The following MEI4 variants were observed in gnomAD, a reference collection of about 807,000 sequenced individuals.
MEI4 encodes meiosis-specific protein MEI4.
Under a neutral mutation model 31.4 loss-of-function variants are expected in MEI4, and 27 were observed. That is an observed-to-expected ratio of 0.86 (90% CI 0.63 to 1.19). MEI4 has a LOEUF of 1.19. Among genes scored for constraint, MEI4 ranks in the 50% most tolerant of loss-of-function variants. MEI4 has a pLI of 0.00. For missense variants in MEI4, 329 were observed against 398.9 expected (o/e 0.82, Z 1.49); for synonymous variants, 122 against 145.4 (o/e 0.84, Z 1.16).
In MEI4 at chr6:77,748,350, T is replaced by C. The variant is rs567374450; in HGVS notation, c.233-12780T>C. Among the ~76,000 whole-genome samples, 17 of 152,346 alleles carry C rather than the reference T, an allele frequency of 1.1e-4. No individual in the cohort carries two copies. In the South Asian group the frequency reaches 1.9e-3, roughly 17 times the overall value. ...GTCAGTGGTTTCCAAACCTTAACTG[T>C]TGAATTCTGTGCAACTGCAGGCCCA... On this transcript the variant is annotated intron_variant, in intron 2 of 4. Coordinates refer to ENST00000684080, the MANE Select transcript of MEI4 (RefSeq NM_001322247.2).
At chr6:77,794,958 T>C (rs1162783160) in intron 3 of MEI4, among the ~76,000 whole-genome samples, 2 of 152,166 alleles carry the variant, frequency 1.3e-5, no homozygotes, top group African/African-American at 4.8e-5. Flanking sequence ...TTCACAAGGA[T>C]GTGCATTTTG....
chr6:77,855,600 CTG>C (rs1770727217), intron 4 of MEI4, among the ~76,000 whole-genome samples: 1 of 152,132 alleles, frequency 6.6e-6, no homozygotes, highest in African/African-American at 2.4e-5. Context: ...TTGGGAATAA[CTG>C]TACTACTATT....
At chr6:77,797,735 T>C (rs2127698721) in intron 3 of MEI4, among the ~76,000 whole-genome samples, 1 of 152,250 alleles carries the variant, frequency 6.6e-6, no homozygotes, top group African/African-American at 2.4e-5. Flanking sequence ...GCTTATCCCA[T>C]CTTCTTACAC....
At chr6:77,911,837 G>A (rs779709671) in intron 4 of MEI4, among the ~76,000 whole-genome samples, 34 of 151,358 alleles carry the variant, frequency 2.2e-4, no homozygotes, top group Admixed American at 2.0e-3. Context: ...TGATGAACAC[G>A]TGAGTGCATT....
chr6:77,657,914 A>C (rs1768427206), intron 1 of MEI4, among the ~76,000 whole-genome samples: 1 of 152,078 alleles, frequency 6.6e-6, no homozygotes, highest in Admixed American at 6.6e-5. Context: ...ACTAACCCAC[A>C]CTAGTTTATT....
intron 2 of MEI4, among the ~76,000 whole-genome samples, chr6:77,727,846 A>T (rs1016899595): frequency 6.6e-6 from 1 of 152,232 alleles, no homozygotes; most frequent in African/African-American, 2.4e-5. Flanking sequence ...CCCCTGGAGA[A>T]GCAGCTCAGA....
intron 1 of MEI4, among the ~76,000 whole-genome samples, chr6:77,684,638 A>G (rs1212595884): frequency 1.3e-5 from 2 of 152,032 alleles, no homozygotes; most frequent in Non-Finnish European, 2.9e-5. Flanking sequence ...TTTACTTAAT[A>G]TAATTATCTC....
At chr6:77,798,144 A>G (rs1027608393) in intron 3 of MEI4, among the ~76,000 whole-genome samples, 2 of 152,018 alleles carry the variant, frequency 1.3e-5, no homozygotes, top group Non-Finnish European at 2.9e-5. Flanking sequence ...TAATAATGCA[A>G]CCATTAAAAT....
At chr6:77,865,645 G>C (rs1009914426) in intron 4 of MEI4, among the ~76,000 whole-genome samples, 3 of 152,160 alleles carry the variant, frequency 2.0e-5, no homozygotes, top group Non-Finnish European at 2.9e-5. Flanking sequence ...AGTTCTACCA[G>C]AGGTACTAGG....
intron 3 of MEI4, among the ~76,000 whole-genome samples, chr6:77,772,963 TAATAA>T (rs1199127788): frequency 1.4e-5 from 2 of 145,580 alleles, no homozygotes; most frequent in Non-Finnish European, 1.5e-5. Context: ...GCTACAAATA[TAATAA>T]AAGACCTATG....
At chr6:77,903,766 C>T (rs1397233912) in intron 4 of MEI4, among the ~76,000 whole-genome samples, 2 of 151,944 alleles carry the variant, frequency 1.3e-5, no homozygotes, top group African/African-American at 4.8e-5. Flanking sequence ...TTGTCAAATG[C>T]CTTTTCTGTA....
intron 3 of MEI4, among the ~76,000 whole-genome samples, chr6:77,791,281 G>A (rs375199035): frequency 1.3e-5 from 2 of 152,036 alleles, no homozygotes; most frequent in Admixed American, 6.6e-5. Context: ...GGAACCAAGC[G>A]AAATCTCCAA....
At chr6:77,881,742 A>G (rs76584733) in intron 4 of MEI4, among the ~76,000 whole-genome samples, 1,880 of 152,330 alleles carry the variant, frequency 0.012, 47 homozygotes, top group African/African-American at 0.043. Flanking sequence ...AAAAAGTGAA[A>G]GTGTCTTAGA....
intron 4 of MEI4, among the ~76,000 whole-genome samples, chr6:77,892,608 T>C (rs1765984865): frequency 6.6e-6 from 1 of 152,114 alleles, no homozygotes; most frequent in Non-Finnish European, 1.5e-5. Flanking sequence ...TCTCAGGCTG[T>C]AGTGAGTGCA....
At chr6:77,784,022 A>G (rs751613540) in intron 3 of MEI4, among the ~76,000 whole-genome samples, 2 of 152,146 alleles carry the variant, frequency 1.3e-5, no homozygotes, top group Non-Finnish European at 2.9e-5. Context: ...TCCAGTGTGC[A>G]TTTCTTCTTC....
rs530039238 is a variant in MEI4 at position 77,695,991 on chromosome 6, T to G, written c.232+5088T>G. Among the ~76,000 whole-genome samples the G allele has an allele frequency of 1.4e-4, 21 of 152,116 alleles. 1 individual carries two copies. In the South Asian group the frequency reaches 3.7e-3, roughly 27 times the overall value. On this transcript the variant is annotated intron_variant, in intron 2 of 4. Transcript: ENST00000684080. The stretch of plus-strand genomic sequence containing the variant: ...AAGAGGTCCTTCACATCCCTTGTAA[T>G]TTGGATTCCTAGGTATTTTATTCTC...
chr6:77,911,194 A>T (rs887797903), intron 4 of MEI4, among the ~76,000 whole-genome samples: 10 of 152,008 alleles, frequency 6.6e-5, no homozygotes, highest in Admixed American at 6.6e-5. Context: ...GTAGTTGGCA[A>T]ATATATTCTC....
At chr6:77,650,408 C>G (rs1768279078), upstream of MEI4, among the ~76,000 whole-genome samples, 1 of 152,220 alleles carries the variant, frequency 6.6e-6, no homozygotes, top group Non-Finnish European at 1.5e-5. Flanking sequence ...TCCCTCACTT[C>G]CCCCACGAGT....
At chr6:77,905,810 T>A (rs1766282655) in intron 4 of MEI4, among the ~76,000 whole-genome samples, 1 of 151,262 alleles carries the variant, frequency 6.6e-6, no homozygotes, top group African/African-American at 2.4e-5. Flanking sequence ...TTTTTTTTTT[T>A]TAATAATATA....
Sources: gnomAD v4.1 joint callset for allele counts (sites outside exome capture counted in the v4.1 genomes callset) on GRCh38, gnomAD v4.1.1 for gene constraint, MANE v1.5 for transcripts, NCBI Gene and HGNC (gene_info 2026-07-23, HGNC 2026-07-21) for gene names.